Variants in ADCY6 observed in about 807,000 individuals in gnomAD.
ADCY6 encodes the protein adenylate cyclase 6.
In ADCY6, 59 loss-of-function variants were observed where a neutral mutation model predicts 111.6. The ratio of observed to expected loss-of-function variants is 0.53; its 90% confidence interval spans 0.43 to 0.66. ADCY6 has a LOEUF of 0.66. ADCY6 is among the 30% of genes least tolerant of loss of function. The pLI, the probability that ADCY6 is intolerant of heterozygous loss-of-function variation, is 0.00. For synonymous variants in ADCY6, 576 were observed against 642.9 expected (o/e 0.90, Z 1.57); for missense variants, 1,242 against 1,595.6 (o/e 0.78, Z 3.78).
chr12:48,771,629 C>T lies in ADCY6; in HGVS notation c.3051+81G>A, dbSNP rs942447979. The T allele has an allele frequency of 6.3e-7, 1 of 1,592,186 alleles. No homozygotes were observed. Among genetic ancestry groups the T allele is most frequent in the East Asian group, 2.2e-5 (1 of 44,806 alleles). ...GTCCCATCAAATCTCTCTCTCTCTT[C>T]CCAGTTCCACTCACCCATTCCAATC... is the stretch of plus-strand genomic sequence containing the variant. On this transcript the variant is annotated intron_variant, in intron 19 of 21. Coordinates refer to ENST00000357869, the MANE Select transcript of ADCY6 (RefSeq NM_015270.5). The surrounding 1 kb of genome is among the most constrained non-coding windows in gnomAD (Gnocchi z 4.3).
chr12:48,775,524 G>A (rs1034398854), intron 10 of ADCY6, 74 bp from the exon 11 acceptor site: 2 of 1,598,728 alleles, frequency 1.3e-6, no homozygotes, highest in African/African-American at 2.7e-5. Flanking sequence ...GAAAGGTATG[G>A]ACAGCACCTG....
rs1223842078 is a variant in ADCY6 at position 48,774,073 on chromosome 12, C to T, written c.2309G>A (p.Arg770Gln). 5.0e-6 allele frequency: 8 copies of T among 1,610,658 alleles called. No homozygotes were observed. The highest frequency in any genetic ancestry group is 1.7e-5 in the Admixed American group (1 of 59,496). ...ATTCAGCATCCGGGCTGCACAGCTCCGTATGGGGGTGTGGTTACAGGTGAA... is the reference window on the plus strand; with the variant it reads ...ATTCAGCATCCGGGCTGCACAGCTCTGTATGGGGGTGTGGTTACAGGTGAA... ...NMFTCNHTPI[R>Q]SCAARMLNLT... Residue 770 changes from arginine (R) to glutamine (Q), a missense_variant, in exon 15 of 22, where the codon CGG becomes CAG. By Grantham distance (43) the Arg-to-Gln change is conservative. Around this residue, in one of 4 missense-constraint regions of ADCY6, gnomAD observed 375 missense variants for 432.5 expected, o/e 0.87. Coordinates refer to ENST00000357869, the MANE Select transcript of ADCY6 (RefSeq NM_015270.5).
chr12:48,772,123 G>A, intron 18 of ADCY6, 150 bp from the exon 19 acceptor site: 1 of 1,381,732 alleles, frequency 7.2e-7, no homozygotes, highest in Non-Finnish European at 9.7e-7. Flanking sequence ...GGGGTAAAGG[G>A]GGCAGGTAGA....
rs193290719 is a variant in ADCY6 at position 48,782,255 on chromosome 12, C to T, written c.864+316G>A. 6.6e-4 allele frequency among the ~76,000 whole-genome samples: 100 copies of T among 152,278 alleles called. No homozygotes were observed. Among genetic ancestry groups the T allele is most frequent in the Admixed American group, 2.2e-3 (33 of 15,310 alleles). ...TACCACACCCCTGCCTCCAGCCCCA[C>T]ATTCTGTCTCTACAGACTGCACTAT... On this transcript the variant is annotated intron_variant, in intron 2 of 21. Transcript: ENST00000357869. The surrounding 1 kb of genome is among the most constrained non-coding windows in gnomAD (Gnocchi z 4.3).
At position 48,777,859 on chromosome 12, in the gene ADCY6, A is replaced by G. The variant is rs1941744889; in HGVS notation, c.1015-123T>C. ...CTGAAGACCTGACCTTCCCTTCTGGACTGTGGCCTGACCTTCCCCCATCAG... is the reference window on the plus strand; with the variant it reads ...CTGAAGACCTGACCTTCCCTTCTGGGCTGTGGCCTGACCTTCCCCCATCAG... On this transcript the variant is annotated intron_variant, in intron 3 of 21. Coordinates refer to ENST00000357869, the MANE Select transcript of ADCY6 (RefSeq NM_015270.5). This position sits in a 1 kb window ranked among gnomAD's most constrained non-coding sequence, Gnocchi z 4.9. The G allele has an allele frequency of 2.0e-6, 3 of 1,467,096 alleles. No individual in the cohort carries two copies. The East Asian group carries it at 6.8e-5, about 33-fold the overall frequency. The allele number at this position is 1,467,096 out of a possible 1,614,324, so 90.9% of individuals were successfully genotyped here. A position where few individuals can be genotyped will look rare whatever the true frequency, so the allele number is the denominator to read the frequency against.
Position 48,768,656 on chromosome 12 carries a change from C to A in ADCY6, c.3442G>T (p.Val1148Leu). The change falls in exon 22 of 22, where the codon GTG becomes TTG. Residue 1148 changes from valine to leucine, a missense_variant. Transcript: ENST00000357869. ...AKGYQLECRGVVKVKGKGEMT... is the reference protein window; with the variant it reads ...AKGYQLECRGLVKVKGKGEMT... ...TCCCCCTTGCCCTTCACCTTGACCA[C>A]CCCTCGACACTCCAGCTGGTAGCCC... 1 of 1,614,204 alleles carries A rather than the reference C, an allele frequency of 6.2e-7. No individual in the cohort carries two copies. Among genetic ancestry groups the A allele is most frequent in the Non-Finnish European group, 8.5e-7 (1 of 1,180,018 alleles).
chr12:48,782,103 A>G lies in ADCY6; in HGVS notation c.864+468T>C, dbSNP rs1283297665. Among the ~76,000 whole-genome samples, 1 of 151,882 alleles carries G rather than the reference A, an allele frequency of 6.6e-6. No homozygotes were observed. The highest frequency in any genetic ancestry group is 1.5e-5 in the Non-Finnish European group (1 of 67,954). ...ACCTGCTCTATACCTCCAGATCACC[A>G]CCTAGAGCTGCTCTTCAGGGATAGC... is the stretch of plus-strand genomic sequence containing the variant. On this transcript the variant is annotated intron_variant, in intron 2 of 21. Coordinates refer to ENST00000357869, the MANE Select transcript of ADCY6 (RefSeq NM_015270.5). This position sits in a 1 kb window ranked among gnomAD's most constrained non-coding sequence, Gnocchi z 4.3.
chr12:48,775,435 A>C lies in ADCY6; in HGVS notation c.1848T>G (p.Asp616Glu). Reference sequence around the variant, plus strand: ...CCACCTCATCCTCAGGGTTCAGGGCATCTTGGGTGCCCCGGCTGAGGGCAG... The same window carrying C: ...CCACCTCATCCTCAGGGTTCAGGGCCTCTTGGGTGCCCCGGCTGAGGGCAG... Reference protein sequence around the residue: ...DSSKDNRGTQDALNPEDEVDE... With the variant: ...DSSKDNRGTQEALNPEDEVDE... The change falls in exon 11 of 22, where the codon GAT becomes GAG. Residue 616 changes from aspartate to glutamate, a missense_variant. Asp to Glu is a conservative substitution (Grantham distance 45, BLOSUM62 2). Around this residue, in one of 4 missense-constraint regions of ADCY6, gnomAD observed 375 missense variants for 432.5 expected, o/e 0.87. Coordinates refer to ENST00000357869, the MANE Select transcript of ADCY6 (RefSeq NM_015270.5). 6.2e-7 allele frequency: 1 copy of C among 1,614,108 alleles called. No homozygotes were observed. The highest frequency in any genetic ancestry group is 8.5e-7 in the Non-Finnish European group (1 of 1,180,006).
intron 15 of ADCY6, 27 bp downstream of exon 15, chr12:48,773,913 C>A: frequency 6.2e-7 from 1 of 1,610,802 alleles, no homozygotes; most frequent in Non-Finnish European, 8.5e-7. Context: ...GGACAGCCCC[C>A]CCACCGCCTG....
chr12:48,773,681 G>A lies in ADCY6; in HGVS notation c.2443-34C>T, dbSNP rs1386987380. The A allele has an allele frequency of 2.5e-6, 4 of 1,612,676 alleles. No homozygotes were observed. In the African/African-American group the frequency reaches 4.0e-5, roughly 16 times the overall value. The stretch of plus-strand genomic sequence containing the variant: ...GTGGCAGAGGCAGCGTTGGGTGAAG[G>A]CAGAGGCCACAGCACCCTTGGGCAG... On this transcript the variant is annotated intron_variant, in intron 15 of 21. Transcript: ENST00000357869.
rs1941857232 is a variant in ADCY6, at chr12:48,782,029, G to A, written c.864+542C>T. On this transcript the variant is annotated intron_variant, in intron 2 of 21. Transcript: ENST00000357869. This position sits in a 1 kb window ranked among gnomAD's most constrained non-coding sequence, Gnocchi z 4.3. ...CACCTTCCCTGTCCTCCCAGAAGTG[G>A]CCTTGGTCCAGGAAAGAGGGGACTC... Among the ~76,000 whole-genome samples the A allele has an allele frequency of 6.6e-6, 1 of 152,144 alleles. No individual in the cohort carries two copies. The highest frequency in any genetic ancestry group is 2.1e-4 in the South Asian group (1 of 4,820).
upstream of ADCY6, chr12:48,789,227 G>T (rs1592169098): frequency 6.6e-6 from 1 of 152,230 alleles, no homozygotes. Flanking sequence ...CTAGCAGCGG[G>T]GTAGGGGCGG....
In ADCY6 at chr12:48,770,829, G is replaced by A. The variant is rs778436011; in HGVS notation, c.3193C>T (p.Arg1065Trp). Residue 1065 changes from arginine to tryptophan, a missense_variant, in exon 20 of 22, where the codon CGG (arginine) becomes TGG (tryptophan). Physicochemically the swap from Arg to Trp is moderately radical, Grantham distance 101. Coordinates refer to ENST00000357869, the MANE Select transcript of ADCY6 (RefSeq NM_015270.5). Reference protein sequence around the residue: ...HITALADYAMRLMEQMKHINE... With the variant: ...HITALADYAMWLMEQMKHINE... ...ATGTGCTTCATCTGCTCCATGAGCC[G>A]CATGGCGTAGTCAGCCAGGGCAGTG... 81 of 1,614,080 alleles carry A rather than the reference G, an allele frequency of 5.0e-5. No individual in the cohort carries two copies. Among genetic ancestry groups the A allele is most frequent in the Non-Finnish European group, 6.4e-5 (75 of 1,180,046 alleles).
chr12:48,776,449 AT>A lies in ADCY6; in HGVS notation c.1513del (p.Met505TrpfsTer20). 7 of 1,450,598 alleles carry A rather than the reference AT, an allele frequency of 4.8e-6. No homozygotes were observed. Among genetic ancestry groups the A allele is most frequent in the Non-Finnish European group, 6.4e-6 (7 of 1,090,972 alleles). The allele number at this position is 1,450,598 out of a possible 1,614,324, so 89.9% of individuals were successfully genotyped here. A position where few individuals can be genotyped will look rare whatever the true frequency, so the allele number is the denominator to read the frequency against. On this transcript the variant is annotated frameshift_variant, in exon 7 of 22. Transcript: ENST00000357869. LOFTEE classifies it high-confidence loss of function. This position sits in a 1 kb window ranked among gnomAD's most constrained non-coding sequence, Gnocchi z 6.1. ...TCACCCAGCCCGGCCTCCTGCCTCC[AT>A]GTGGTTGGCCAGGGTCACATCATTG... Reference protein sequence around the residue: ...WSNDVTLANHMEAGGRAGRIH... With the variant: ...WSNDVTLANHXEAGGRAGRIH...
chr12:48,772,120 AG>A, intron 18 of ADCY6, 147 bp from the exon 19 acceptor site: 1 of 1,382,866 alleles, frequency 7.2e-7, no homozygotes, highest in Non-Finnish European at 9.6e-7. Flanking sequence ...AAAGGGGTAA[AG>A]GGGGCAGGTA....
At position 48,783,344 on chromosome 12, in the gene ADCY6, G is replaced by A. The variant is rs764129386; in HGVS notation, c.91C>T (p.Arg31Cys). ...ERNGQKRSRR[R>C]GTRAGGFCTP... ...CAGAAGCCACCTGCCCGAGTGCCAC[G>A]GCGCCGCGAACGCTTCTGCCCATTG... The change falls in exon 2 of 22, where the codon CGT becomes TGT. Residue 31 changes from arginine (R) to cysteine (C), a missense_variant. Coordinates refer to ENST00000357869, the MANE Select transcript of ADCY6 (RefSeq NM_015270.5). The A allele has an allele frequency of 5.6e-6, 9 of 1,614,008 alleles. No homozygotes were observed. Among genetic ancestry groups the A allele is most frequent in the Admixed American group, 1.7e-5 (1 of 60,014 alleles).
intron 20 of ADCY6, among the ~76,000 whole-genome samples, chr12:48,770,063 ATTT>A (rs35784184): frequency 1.8e-5 from 2 of 112,882 alleles, no homozygotes; most frequent in Non-Finnish European, 1.8e-5. Context: ...GCCCGGCCTA[ATTT>A]TTTTTTTTTT....
At chr12:48,778,872 A>ATTTTT (rs1037254707) in intron 2 of ADCY6, among the ~76,000 whole-genome samples, 793 of 72,402 alleles carry the variant, frequency 0.011, 168 homozygotes, top group African/African-American at 0.044. Context: ...TGAATAACAC[A>ATTTTT]TTTTTTTTTT....
Position 48,771,859 on chromosome 12 carries a change from C to T in ADCY6, c.2902G>A (p.Asp968Asn). 1.2e-6 allele frequency: 2 copies of T among 1,614,190 alleles called. No homozygotes were observed. Among genetic ancestry groups the T allele is most frequent in the Non-Finnish European group, 1.7e-6 (2 of 1,180,042 alleles). The change falls in exon 19 of 22, where the codon GAT (aspartate) becomes AAT (asparagine). Residue 968 changes from aspartate (D) to asparagine (N), a missense_variant. Physicochemically the swap from Asp to Asn is conservative, Grantham distance 23 (BLOSUM62 1). This residue lies in a region of ADCY6 where 245 missense variants were observed against 371.3 expected (regional missense o/e 0.66). Transcript: ENST00000357869. The surrounding 1 kb of genome is among the most constrained non-coding windows in gnomAD (Gnocchi z 4.3). ...TCACACGACTGATAGTAGAGTTCATCATTGCGGCGCTCCCGGGCCAGGAAG... is the reference window on the plus strand; with the variant it reads ...TCACACGACTGATAGTAGAGTTCATTATTGCGGCGCTCCCGGGCCAGGAAG... ...AHFLARERRN[D>N]ELYYQSCECV...
Sources: gnomAD v4.1 joint callset for allele counts (sites outside exome capture counted in the v4.1 genomes callset) on GRCh38, gnomAD v4.1.1 for gene constraint, gnomAD v4.1.1 regional missense constraint, Gnocchi (gnomAD v3.1) non-coding constraint, MANE v1.5 for transcripts, NCBI Gene and HGNC (gene_info 2026-07-23, HGNC 2026-07-21) for gene names.